PTPRM: variants seen among roughly 807,000 people sequenced by gnomAD.
PTPRM encodes receptor-type tyrosine-protein phosphatase mu.
A neutral mutation model predicts 186.7 loss-of-function variants in PTPRM; 47 were observed. That is an observed-to-expected ratio of 0.25 (90% CI 0.20 to 0.32). The LOEUF (loss-of-function observed/expected upper bound fraction) is 0.32. Among genes scored for constraint, PTPRM ranks in the 10% least tolerant of loss-of-function variants. The probability of loss-of-function intolerance (pLI) is 1.00; values close to 1 mark genes in which losing one functional copy is unlikely to be tolerated. For synonymous variants in PTPRM, 668 were observed against 674.9 expected (o/e 0.99, Z 0.16); for missense variants, 1,494 against 1,865.0 (o/e 0.80, Z 3.66).
intron 14 of PTPRM, among the ~76,000 whole-genome samples, chr18:8,187,163 C>T (rs1256603220): frequency 6.6e-6 from 1 of 152,200 alleles, no homozygotes; most frequent in Non-Finnish European, 1.5e-5. Context: ...AGGTCTCGAA[C>T]TCCTGGCTGC....
chr18:7,784,829 C>T (rs2043021499), intron 2 of PTPRM, among the ~76,000 whole-genome samples: 1 of 152,174 alleles, frequency 6.6e-6, no homozygotes, highest in Non-Finnish European at 1.5e-5. Context: ...GTCTTCCAGG[C>T]CATGTAGAAG....
chr18:7,938,592 G>C (rs2051974723), intron 5 of PTPRM, among the ~76,000 whole-genome samples: 1 of 152,158 alleles, frequency 6.6e-6, no homozygotes, highest in African/African-American at 2.4e-5. Context: ...TAAGACCACA[G>C]AACTTCTAGT....
At chr18:8,337,861 C>T (rs1375074452) in intron 22 of PTPRM, among the ~76,000 whole-genome samples, 2 of 152,114 alleles carry the variant, frequency 1.3e-5, no homozygotes, top group African/African-American at 2.4e-5. Context: ...TGTGTGGGAC[C>T]GCATTTGCCT....
intron 20 of PTPRM, among the ~76,000 whole-genome samples, chr18:8,314,477 G>T (rs2095293554): frequency 6.6e-6 from 1 of 152,178 alleles, no homozygotes; most frequent in Non-Finnish European, 1.5e-5. Context: ...TCCAGTCCAA[G>T]ATCTACTTAT....
intron 14 of PTPRM, among the ~76,000 whole-genome samples, chr18:8,191,904 A>C (rs2146716747): frequency 6.6e-6 from 1 of 152,314 alleles, no homozygotes; most frequent in Non-Finnish European, 1.5e-5. Context: ...CAGTATTACC[A>C]ACCTACAGGG....
chr18:8,289,423 CGT>C (rs1568673477), intron 19 of PTPRM, among the ~76,000 whole-genome samples: 73 of 103,840 alleles, frequency 7.0e-4, no homozygotes, highest in Admixed American at 1.3e-3. Flanking sequence ...CACATATATA[CGT>C]ATATATATGT....
chr18:7,955,750 TA>T (rs1445179593), intron 7 of PTPRM, among the ~76,000 whole-genome samples: 1 of 152,216 alleles, frequency 6.6e-6, no homozygotes, highest in Admixed American at 6.5e-5. Flanking sequence ...CAGACTCTCT[TA>T]CTTGGGCCCC....
At chr18:7,819,676 G>C (rs1598879910) in intron 2 of PTPRM, among the ~76,000 whole-genome samples, 1 of 152,196 alleles carries the variant, frequency 6.6e-6, no homozygotes, top group African/African-American at 2.4e-5. Flanking sequence ...CAGTAAGGCA[G>C]GGCTCTAATG....
At position 7,700,831 on chromosome 18, in the gene PTPRM, A is replaced by G. The variant is rs143459260; in HGVS notation, c.74-73318A>G. Among the ~76,000 whole-genome samples, 828 of 152,122 alleles carry G rather than the reference A, an allele frequency of 5.4e-3. 9 individuals carry two copies. Among genetic ancestry groups the G allele is most frequent in the African/African-American group, 0.019 (776 of 41,482 alleles). ...TATGGCGAAACCCATGTCTACAAAAAATACAAAAATTATCTGGACATGGTA... is the reference window on the plus strand; with the variant it reads ...TATGGCGAAACCCATGTCTACAAAAGATACAAAAATTATCTGGACATGGTA... On this transcript the variant is annotated intron_variant, in intron 1 of 32. Coordinates refer to ENST00000580170, the MANE Select transcript of PTPRM (RefSeq NM_001105244.2).
At chr18:7,973,001 G>C (rs548923021) in intron 7 of PTPRM, among the ~76,000 whole-genome samples, 1 of 152,156 alleles carries the variant, frequency 6.6e-6, no homozygotes, top group African/African-American at 2.4e-5. Context: ...TTTCTGAACA[G>C]CTCTCTAGTT....
intron 7 of PTPRM, among the ~76,000 whole-genome samples, chr18:8,021,853 G>A (rs2147970350): frequency 6.6e-6 from 1 of 152,160 alleles, no homozygotes; most frequent in African/African-American, 2.4e-5. Context: ...AAAATGCTGG[G>A]ACTACAGGCA....
intron 1 of PTPRM, among the ~76,000 whole-genome samples, chr18:7,679,831 A>G (rs1343383117): frequency 2.6e-5 from 4 of 151,930 alleles, no homozygotes; most frequent in African/African-American, 4.8e-5. Context: ...TTGTCATGCA[A>G]TTTTTAACTT....
intron 8 of PTPRM, among the ~76,000 whole-genome samples, chr18:8,075,136 T>C (rs2089726770): frequency 6.6e-6 from 1 of 152,158 alleles, no homozygotes; most frequent in African/African-American, 2.4e-5. Flanking sequence ...GCCAGTAGCA[T>C]TGGTTGAAAA....
chr18:7,710,422 A>T (rs2144775674), intron 1 of PTPRM, among the ~76,000 whole-genome samples: 1 of 152,344 alleles, frequency 6.6e-6, no homozygotes, highest in East Asian at 1.9e-4. Flanking sequence ...ATCTATGTAA[A>T]ACCCACAGCC....
At chr18:7,943,184 T>G (rs1191592710) in intron 5 of PTPRM, among the ~76,000 whole-genome samples, 1 of 152,168 alleles carries the variant, frequency 6.6e-6, no homozygotes, top group Non-Finnish European at 1.5e-5. Flanking sequence ...TTTCTGATTT[T>G]CTGTCTTCAC....
chr18:8,110,050 A>G (rs1357935524), intron 11 of PTPRM, among the ~76,000 whole-genome samples: 1 of 152,220 alleles, frequency 6.6e-6, no homozygotes, highest in Admixed American at 6.5e-5. Context: ...CGTTGTGACT[A>G]TCGGTGTGCT....
At chr18:7,982,972 G>A (rs1394632583) in intron 7 of PTPRM, among the ~76,000 whole-genome samples, 1 of 152,036 alleles carries the variant, frequency 6.6e-6, no homozygotes, top group Non-Finnish European at 1.5e-5. Flanking sequence ...CTCCTATTTG[G>A]CACTATCTGC....
At chr18:7,812,785 T>C (rs969702084) in intron 2 of PTPRM, among the ~76,000 whole-genome samples, 2 of 151,746 alleles carry the variant, frequency 1.3e-5, no homozygotes, top group East Asian at 3.9e-4. Flanking sequence ...GATGGAGAAA[T>C]TGGGTCTGGA....
At chr18:7,996,320 A>G (rs1870289475) in intron 7 of PTPRM, among the ~76,000 whole-genome samples, 1 of 152,148 alleles carries the variant, frequency 6.6e-6, no homozygotes, top group Non-Finnish European at 1.5e-5. Flanking sequence ...GATCATCTCT[A>G]TAGGTGCAGA....
Sources: allele counts gnomAD v4.1 joint callset (sites outside exome capture counted in the v4.1 genomes callset), GRCh38; gene constraint gnomAD v4.1.1; transcripts MANE v1.5; gene names NCBI Gene and HGNC (gene_info 2026-07-23, HGNC 2026-07-21).